Variants in FHIT observed in about 807,000 individuals in gnomAD.
FHIT encodes the protein bis(5'-adenosyl)-triphosphatase.
Under a neutral mutation model 17.9 loss-of-function variants are expected in FHIT, and 19 were observed. The observed-to-expected ratio is 1.06, with a 90% CI of 0.74 to 1.56. The LOEUF (loss-of-function observed/expected upper bound fraction) is 1.56, where lower values mean the gene tolerates loss of function less well. Ranked by LOEUF, FHIT falls within the 40% of genes most tolerant of loss-of-function variation. The probability of loss-of-function intolerance (pLI) is 0.00; values close to 1 mark genes in which losing one functional copy is unlikely to be tolerated. For missense variants in FHIT, 248 were observed against 189.2 expected (o/e 1.31, Z -1.82); for synonymous variants, 81 against 69.7 (o/e 1.16, Z -0.81).
chr3:60,222,931 T>C (rs1704029003), intron 5 of FHIT, among the ~76,000 whole-genome samples: 1 of 152,134 alleles, frequency 6.6e-6, no homozygotes, highest in African/African-American at 2.4e-5. Flanking sequence ...AAAACCTCAA[T>C]TACTTTTGCA....
intron 4 of FHIT, among the ~76,000 whole-genome samples, chr3:60,638,114 G>T (rs966656818): frequency 6.6e-6 from 1 of 152,116 alleles, no homozygotes; most frequent in African/African-American, 2.4e-5. Context: ...ACCCTTAGAA[G>T]TTGCCAGGAC....
intron 5 of FHIT, among the ~76,000 whole-genome samples, chr3:60,443,924 A>C (rs1266884187): frequency 2.0e-5 from 3 of 152,116 alleles, no homozygotes; most frequent in African/African-American, 4.8e-5. Flanking sequence ...AATGGGAGAA[A>C]ATTTTTGCAA....
intron 4 of FHIT, among the ~76,000 whole-genome samples, chr3:60,581,430 T>G (rs2037746452): frequency 6.6e-6 from 1 of 152,120 alleles, no homozygotes; most frequent in Admixed American, 6.6e-5. Flanking sequence ...TGCCAGCCAC[T>G]AGGCTGTTTT....
intron 4 of FHIT, among the ~76,000 whole-genome samples, chr3:60,654,226 T>C (rs1166506127): frequency 2.0e-5 from 3 of 152,186 alleles, no homozygotes; most frequent in Non-Finnish European, 4.4e-5. Flanking sequence ...CCTCTTTTCT[T>C]TATAAATTAT....
intron 3 of FHIT, among the ~76,000 whole-genome samples, chr3:60,998,388 G>A (rs1575816284): frequency 2.0e-5 from 3 of 152,074 alleles, no homozygotes; most frequent in Admixed American, 6.5e-5. Context: ...AAACTAGTAG[G>A]GTTAAAGCTT....
At chr3:60,501,081 C>T (rs183253543) in intron 5 of FHIT, among the ~76,000 whole-genome samples, 44 of 152,286 alleles carry the variant, frequency 2.9e-4, no homozygotes, top group Non-Finnish European at 3.7e-4. Flanking sequence ...GAACTTGACT[C>T]TTTCAGCCAG....
intron 3 of FHIT, among the ~76,000 whole-genome samples, chr3:60,910,055 TTTAATGCACTG>T (rs1706650693): frequency 6.6e-6 from 1 of 152,206 alleles, no homozygotes; most frequent in Non-Finnish European, 1.5e-5. Context: ...TTCTGATTCC[TTTAATGCACTG>T]TCCCGCCCTT....
chr3:60,516,298 C>G (rs1388859047), intron 5 of FHIT, among the ~76,000 whole-genome samples: 1 of 152,126 alleles, frequency 6.6e-6, no homozygotes, highest in Admixed American at 6.5e-5. Context: ...AACAAAAAAA[C>G]TAGTGTGAAG....
At position 60,995,090 on chromosome 3, in the gene FHIT, GC is replaced by G. The variant is rs561578566; in HGVS notation, c.-111+46956del. ...AATCCCAGCACTTTGGGAGGCCGAG[GC>G]GGGCGGATCACGAGGTCAGGAGATC... On this transcript the variant is annotated intron_variant, in intron 3 of 9. Coordinates refer to ENST00000492590, the MANE Select transcript of FHIT (RefSeq NM_002012.4). Among the ~76,000 whole-genome samples, 4 of 152,262 alleles carry G rather than the reference GC, an allele frequency of 2.6e-5. No homozygotes were observed. In the South Asian group the frequency reaches 8.3e-4, roughly 32 times the overall value.
At chr3:60,246,099 G>T (rs1705382788) in intron 5 of FHIT, among the ~76,000 whole-genome samples, 1 of 152,048 alleles carries the variant, frequency 6.6e-6, no homozygotes, top group African/African-American at 2.4e-5. Context: ...TTAGGAAATA[G>T]ATCAGAAGTA....
At chr3:60,866,375 C>G (rs1704159872) in intron 3 of FHIT, among the ~76,000 whole-genome samples, 1 of 152,158 alleles carries the variant, frequency 6.6e-6, no homozygotes, top group Admixed American at 6.6e-5. Context: ...CCCCTTTTCT[C>G]TCTCTTGAGT....
At chr3:60,455,577 A>C (rs2032038966) in intron 5 of FHIT, among the ~76,000 whole-genome samples, 1 of 152,140 alleles carries the variant, frequency 6.6e-6, no homozygotes. Context: ...CTTTAGTATG[A>C]ATAATAATTA....
intron 3 of FHIT, among the ~76,000 whole-genome samples, chr3:60,882,322 C>G (rs1553758129): frequency 6.6e-6 from 1 of 152,096 alleles, no homozygotes; most frequent in Non-Finnish European, 1.5e-5. Flanking sequence ...AATGCCCATC[C>G]TTCTCAAACT....
chr3:60,292,689 G>C (rs946826964), intron 5 of FHIT, among the ~76,000 whole-genome samples: 1 of 152,052 alleles, frequency 6.6e-6, no homozygotes, highest in Non-Finnish European at 1.5e-5. Context: ...ACCAACTAAC[G>C]AAGACAGGAA....
At chr3:59,963,418 G>A (rs1191013805) in intron 7 of FHIT, among the ~76,000 whole-genome samples, 1 of 152,078 alleles carries the variant, frequency 6.6e-6, no homozygotes, top group Non-Finnish European at 1.5e-5. Context: ...AGTACCGTTA[G>A]TTCCTCAAAT....
chr3:59,932,588 C>T (rs1199680635), intron 7 of FHIT, among the ~76,000 whole-genome samples: 2 of 152,114 alleles, frequency 1.3e-5, no homozygotes, highest in Non-Finnish European at 2.9e-5. Context: ...AGAATGTACC[C>T]ACTTCGTTTA....
At chr3:60,294,124 G>T (rs1049105853) in intron 5 of FHIT, among the ~76,000 whole-genome samples, 1 of 152,054 alleles carries the variant, frequency 6.6e-6, no homozygotes, top group African/African-American at 2.4e-5. Flanking sequence ...GAATCTACAG[G>T]ACTTAAAAAA....
At chr3:61,052,732 A>G (rs1483767613) in intron 2 of FHIT, among the ~76,000 whole-genome samples, 6 of 152,202 alleles carry the variant, frequency 3.9e-5, no homozygotes, top group Non-Finnish European at 7.3e-5. Flanking sequence ...CCCTTTGAGT[A>G]GTGCTGCACT....
intron 7 of FHIT, among the ~76,000 whole-genome samples, chr3:59,949,566 A>C (rs1367339823): frequency 6.6e-6 from 1 of 152,238 alleles, no homozygotes; most frequent in Non-Finnish European, 1.5e-5. Flanking sequence ...TTTGGAAAGG[A>C]TAACTAATTA....
Sources: gnomAD v4.1 joint callset for allele counts (sites outside exome capture counted in the v4.1 genomes callset) on GRCh38, gnomAD v4.1.1 for gene constraint, MANE v1.5 for transcripts, NCBI Gene and HGNC (gene_info 2026-07-23, HGNC 2026-07-21) for gene names.